ZMAT4: variants seen among roughly 807,000 people sequenced by gnomAD.
The protein encoded by ZMAT4 is zinc finger matrin-type 4.
In ZMAT4, 17 loss-of-function variants were observed where a neutral mutation model predicts 28.7. That is an observed-to-expected ratio of 0.59 (90% CI 0.41 to 0.89). ZMAT4 has a LOEUF of 0.89. Among genes scored for constraint, ZMAT4 ranks in the 40% least tolerant of loss-of-function variants. The pLI is 0.00. For synonymous variants in ZMAT4, 117 were observed against 109.2 expected (o/e 1.07, Z -0.44); for missense variants, 240 against 283.8 (o/e 0.85, Z 1.11).
chr8:40,865,946 T>G (rs894724387), intron 1 of ZMAT4, among the ~76,000 whole-genome samples: 3 of 152,250 alleles, frequency 2.0e-5, no homozygotes, highest in Non-Finnish European at 4.4e-5. Context: ...TGCAAGCGAC[T>G]GGATTCGACA....
At chr8:40,833,492 C>T (rs1430783807) in intron 1 of ZMAT4, among the ~76,000 whole-genome samples, 3 of 145,928 alleles carry the variant, frequency 2.1e-5, no homozygotes, top group Admixed American at 1.4e-4. Context: ...CACTTGAACC[C>T]GGCAGGCAGA....
At chr8:40,657,521 A>G (rs1807980123) in intron 5 of ZMAT4, among the ~76,000 whole-genome samples, 2 of 152,208 alleles carry the variant, frequency 1.3e-5, no homozygotes, top group Non-Finnish European at 2.9e-5. Context: ...TTTAATGAGA[A>G]ATCAGTTATC....
intron 1 of ZMAT4, among the ~76,000 whole-genome samples, chr8:40,870,409 A>G (rs1410947236): frequency 6.6e-6 from 1 of 152,142 alleles, no homozygotes; most frequent in African/African-American, 2.4e-5. Context: ...TCTCCTGTTA[A>G]TCTGTCTTAC....
intron 3 of ZMAT4, among the ~76,000 whole-genome samples, chr8:40,729,325 G>A (rs549471423): frequency 1.6e-4 from 24 of 152,288 alleles, no homozygotes; most frequent in African/African-American, 5.5e-4. Context: ...GGAGGTCTGT[G>A]TATTGTGCTG....
intron 3 of ZMAT4, among the ~76,000 whole-genome samples, chr8:40,765,977 G>C (rs111497997): frequency 6.6e-6 from 1 of 152,110 alleles, no homozygotes; most frequent in South Asian, 2.1e-4. Flanking sequence ...CATAGAGTTC[G>C]GAGGTTACAT....
intron 5 of ZMAT4, among the ~76,000 whole-genome samples, chr8:40,582,754 G>C (rs77608876): frequency 0.22 from 33,493 of 152,138 alleles, 4,392 homozygotes; most frequent in Non-Finnish European, 0.3. Flanking sequence ...GTATTGTGGG[G>C]AGGGCTGAGT....
intron 5 of ZMAT4, among the ~76,000 whole-genome samples, chr8:40,634,648 C>T (rs1406254648): frequency 2.0e-5 from 3 of 152,188 alleles, no homozygotes; most frequent in African/African-American, 2.4e-5. Context: ...GCAGGGAATG[C>T]GCGCTGTTTG....
At chr8:40,762,040 GT>G (rs1296216081) in intron 3 of ZMAT4, among the ~76,000 whole-genome samples, 1 of 152,204 alleles carries the variant, frequency 6.6e-6, no homozygotes, top group Non-Finnish European at 1.5e-5. Flanking sequence ...CACAGCACTT[GT>G]TGGTAAACGC....
At chr8:40,841,935 G>T (rs1199268563) in intron 1 of ZMAT4, among the ~76,000 whole-genome samples, 2 of 152,188 alleles carry the variant, frequency 1.3e-5, no homozygotes, top group African/African-American at 4.8e-5. Flanking sequence ...ACAGTCTCCA[G>T]GAAGAGCCTG....
intron 5 of ZMAT4, among the ~76,000 whole-genome samples, chr8:40,641,730 T>G (rs1807036306): frequency 6.6e-6 from 1 of 152,194 alleles, no homozygotes; most frequent in South Asian, 2.1e-4. Flanking sequence ...TCTGCCTTCT[T>G]AGCAAATTTT....
chr8:40,796,660 C>A (rs1156321636), intron 2 of ZMAT4, among the ~76,000 whole-genome samples: 5 of 152,222 alleles, frequency 3.3e-5, no homozygotes, highest in Non-Finnish European at 5.9e-5. Flanking sequence ...CCCGGCTCCG[C>A]CCCGCACAGC....
chr8:40,648,680 T>A (rs1585814623), intron 5 of ZMAT4, among the ~76,000 whole-genome samples: 1 of 73,440 alleles, frequency 1.4e-5, no homozygotes, highest in East Asian at 5.0e-4. Flanking sequence ...GAGAGAAAGG[T>A]CGGGTTACCC....
intron 3 of ZMAT4, among the ~76,000 whole-genome samples, chr8:40,703,579 G>A (rs2150500746): frequency 6.6e-6 from 1 of 152,340 alleles, no homozygotes; most frequent in East Asian, 1.9e-4. Flanking sequence ...TCAGAGGGCA[G>A]TGGGGGAGCA....
chr8:40,764,232 T>G (rs1813052857), intron 3 of ZMAT4, among the ~76,000 whole-genome samples: 1 of 151,456 alleles, frequency 6.6e-6, no homozygotes, highest in Admixed American at 6.6e-5. Flanking sequence ...AATTTTACTC[T>G]GTGGCCCCAA....
intron 6 of ZMAT4, among the ~76,000 whole-genome samples, chr8:40,551,179 A>G (rs1803359675): frequency 6.6e-6 from 1 of 152,336 alleles, no homozygotes; most frequent in African/African-American, 2.4e-5. Flanking sequence ...TAATAAATAC[A>G]TGCTAAAAGA....
intron 6 of ZMAT4, among the ~76,000 whole-genome samples, chr8:40,548,492 G>T (rs1310847992): frequency 1.3e-5 from 2 of 152,090 alleles, no homozygotes; most frequent in Non-Finnish European, 2.9e-5. Flanking sequence ...TGTTTATGTT[G>T]CCTGAATTAA....
At chr8:40,611,401 C>G (rs1256706469) in intron 5 of ZMAT4, among the ~76,000 whole-genome samples, 2 of 151,844 alleles carry the variant, frequency 1.3e-5, no homozygotes, top group Non-Finnish European at 2.9e-5. Flanking sequence ...CACCCAGTGG[C>G]GCGATCTCTG....
intron 6 of ZMAT4, among the ~76,000 whole-genome samples, chr8:40,538,993 C>A (rs778111533): frequency 9.3e-4 from 142 of 152,196 alleles, no homozygotes; most frequent in Non-Finnish European, 1.6e-3. Context: ...ACCATGTTAG[C>A]CAGGCTGGTC....
chr8:40,530,896 A>G lies in ZMAT4; in HGVS notation c.*1327T>C, dbSNP rs541306744. Reference sequence around the variant, plus strand: ...ACACAGGTAAACAGGCTCCTTCATAACAACACTGTGCATTTCTGTGTCATT... The same window carrying G: ...ACACAGGTAAACAGGCTCCTTCATAGCAACACTGTGCATTTCTGTGTCATT... On this transcript the variant is annotated 3_prime_UTR_variant, in exon 7 of 7. Transcript: ENST00000297737. The G allele has an allele frequency of 6.6e-6, 1 of 152,662 alleles. No homozygotes were observed. The highest frequency in any genetic ancestry group is 1.5e-5 in the Non-Finnish European group (1 of 68,020). 9.5% of individuals were successfully genotyped at this position (152,662 alleles called of 1,614,324 possible).
Sources: gnomAD v4.1 joint callset for allele counts (sites outside exome capture counted in the v4.1 genomes callset) on GRCh38, gnomAD v4.1.1 for gene constraint, MANE v1.5 for transcripts, NCBI Gene and HGNC (gene_info 2026-07-23, HGNC 2026-07-21) for gene names.